The following EDARADD variants were observed in gnomAD, a reference collection of about 807,000 sequenced individuals.
The protein encoded by EDARADD is ectodysplasin-A receptor-associated adapter protein.
EDARADD carries 20 observed loss-of-function variants against 25.6 expected under a neutral mutation model. That is an observed-to-expected ratio of 0.78 (90% CI 0.55 to 1.14). The LOEUF is 1.14. Among genes scored for constraint, EDARADD ranks in the 50% most tolerant of loss-of-function variants. The probability of loss-of-function intolerance (pLI) is 0.00; values close to 1 mark genes in which losing one functional copy is unlikely to be tolerated. For synonymous variants in EDARADD, 86 were observed against 94.4 expected, an observed-to-expected ratio of 0.91 and a Z score of 0.52; for missense variants, 225 against 270.1, an observed-to-expected ratio of 0.83 and a Z score of 1.17.
In EDARADD at chr1:236,484,220, G is replaced by A. The variant is rs1483231408; in HGVS notation, c.*1571G>A. 9 of 985,416 alleles carry A rather than the reference G, an allele frequency of 9.1e-6. No homozygotes were observed. In the African/African-American group the frequency reaches 9.5e-5, roughly 10 times the overall value. The allele number at this position is 985,416 out of a possible 1,614,324, so 61.0% of individuals were successfully genotyped here. On this transcript the variant is annotated 3_prime_UTR_variant, in exon 6 of 6. Coordinates refer to ENST00000334232, the MANE Select transcript of EDARADD (RefSeq NM_145861.4). This position sits in a 1 kb window ranked among gnomAD's most constrained non-coding sequence, Gnocchi z 4.1. The stretch of plus-strand genomic sequence containing the variant: ...TGAACCAGATTCGCTCTGTGACTGA[G>A]TCCCTTCAGGCGTGCAAGCTGGCCC...
rs1309549108 is a variant in EDARADD at position 236,483,207 on chromosome 1, C to A, written c.*558C>A. The A allele has an allele frequency of 3.2e-6, 5 of 1,581,712 alleles. No homozygotes were observed. The highest frequency in any genetic ancestry group is 4.3e-6 in the Non-Finnish European group (5 of 1,152,802). ...CCATGCCAGGGAGCTCTTTGACTCT[C>A]GTGGGAATCCCACTGTTGAGGTTGA... On this transcript the variant is annotated 3_prime_UTR_variant, in exon 6 of 6. Coordinates refer to ENST00000334232, the MANE Select transcript of EDARADD (RefSeq NM_145861.4).
intron 3 of EDARADD, among the ~76,000 whole-genome samples, chr1:236,383,306 A>G (rs1390032253): frequency 1.3e-5 from 2 of 151,482 alleles, no homozygotes; most frequent in Non-Finnish European, 2.9e-5. Context: ...GAGGCGAGAG[A>G]ATCACTTGAA....
At chr1:236,412,485 A>G (rs1354614018) in intron 2 of EDARADD, among the ~76,000 whole-genome samples, 1 of 151,924 alleles carries the variant, frequency 6.6e-6, no homozygotes, top group Non-Finnish European at 1.5e-5. Flanking sequence ...CCCTTTGCTT[A>G]TCTTTCTTGG....
At chr1:236,384,905 C>T (rs1667334869) in intron 3 of EDARADD, among the ~76,000 whole-genome samples, 1 of 151,834 alleles carries the variant, frequency 6.6e-6, no homozygotes, top group Non-Finnish European at 1.5e-5. Flanking sequence ...TATATTTTAA[C>T]TTACTTGAAA....
chr1:236,390,501 T>C (rs1435967302), upstream of EDARADD, among the ~76,000 whole-genome samples: 1 of 151,672 alleles, frequency 6.6e-6, no homozygotes, highest in Non-Finnish European at 1.5e-5. Context: ...TGCAGTGAGC[T>C]GAGATCCAGC....
chr1:236,469,671 G>A (rs1245768889), intron 5 of EDARADD, among the ~76,000 whole-genome samples: 1 of 152,014 alleles, frequency 6.6e-6, no homozygotes, highest in Non-Finnish European at 1.5e-5. Context: ...AAAACCAGAA[G>A]GTGCAGTGCG....
intron 4 of EDARADD, among the ~76,000 whole-genome samples, chr1:236,432,516 A>G (rs895949851): frequency 6.6e-6 from 1 of 152,218 alleles, no homozygotes; most frequent in Non-Finnish European, 1.5e-5. Flanking sequence ...GTTAGAAGTT[A>G]TGAAAATAAT....
At chr1:236,404,821 G>A (rs947623544) in intron 1 of EDARADD, among the ~76,000 whole-genome samples, 13 of 151,408 alleles carry the variant, frequency 8.6e-5, no homozygotes, top group African/African-American at 2.2e-4. Flanking sequence ...TGTCTGGCGC[G>A]GTGGCTCACA....
chr1:236,405,830 C>CTTCCT (rs1667713133), intron 1 of EDARADD, among the ~76,000 whole-genome samples: 42 of 29,456 alleles, frequency 1.4e-3, no homozygotes, highest in Admixed American at 7.9e-3. Context: ...CCTTTCCTTC[C>CTTCCT]TTCCTTCCTT....
intron 3 of EDARADD, among the ~76,000 whole-genome samples, chr1:236,363,135 T>C (rs1199458096): frequency 1.1e-4 from 16 of 148,272 alleles, no homozygotes; most frequent in South Asian, 2.2e-4. Flanking sequence ...CCCAAAGTGC[T>C]GGGATTACAG....
intron 4 of EDARADD, among the ~76,000 whole-genome samples, chr1:236,463,143 G>A (rs1659081801): frequency 6.6e-6 from 1 of 152,152 alleles, no homozygotes. Flanking sequence ...TATTCACACG[G>A]CATTTCTCTG....
chr1:236,367,476 A>G (rs906169818), intron 3 of EDARADD, among the ~76,000 whole-genome samples: 2 of 151,942 alleles, frequency 1.3e-5, no homozygotes, highest in Non-Finnish European at 2.9e-5. Context: ...TGATCCGCCC[A>G]CCTCAGCCTC....
rs1001730177 is a variant in EDARADD, at chr1:236,398,095, A to G, written c.61+3590A>G. On this transcript the variant is annotated intron_variant, in intron 1 of 5. Transcript: ENST00000334232. The surrounding 1 kb of genome is among the most constrained non-coding windows in gnomAD (Gnocchi z 4.1). ...GCCTTCTGGTAACCTATTCTGCAAA[A>G]GGTTGCCAGGGCCATCTTTTATTTT... 1.3e-5 allele frequency among the ~76,000 whole-genome samples: 2 copies of G among 152,096 alleles called. No homozygotes were observed. Among genetic ancestry groups the G allele is most frequent in the Non-Finnish European group, 2.9e-5 (2 of 68,034 alleles).
intron 3 of EDARADD, among the ~76,000 whole-genome samples, chr1:236,366,801 G>A (rs1025327519): frequency 1.1e-4 from 17 of 149,308 alleles, no homozygotes; most frequent in Non-Finnish European, 2.2e-4. Context: ...GTCTGGCCAG[G>A]CGCGGTGGCT....
intron 4 of EDARADD, among the ~76,000 whole-genome samples, chr1:236,460,256 C>T (rs1425093202): frequency 2.0e-5 from 3 of 150,512 alleles, no homozygotes; most frequent in Non-Finnish European, 4.4e-5. Context: ...ATGATCTCAG[C>T]TTACTACAGC....
At chr1:236,405,874 C>CCTCT (rs1667717888) in intron 1 of EDARADD, among the ~76,000 whole-genome samples, 1 of 30,874 alleles carries the variant, frequency 3.2e-5, no homozygotes, top group African/African-American at 1.2e-4. Context: ...TCCTTCCTTC[C>CCTCT]TTCTTTCTTT....
intron 3 of EDARADD, among the ~76,000 whole-genome samples, chr1:236,379,421 G>C (rs12123748): frequency 0.095 from 14,396 of 151,584 alleles, 1,076 homozygotes; most frequent in East Asian, 0.3. Flanking sequence ...GCCTTCTCAA[G>C]AAAACAGATA....
chr1:236,442,651 C>G (rs1226311603), intron 4 of EDARADD, among the ~76,000 whole-genome samples: 3 of 152,218 alleles, frequency 2.0e-5, no homozygotes, highest in Non-Finnish European at 4.4e-5. Flanking sequence ...AAACACCAGG[C>G]TTGGATAACA....
At chr1:236,454,295 G>T (rs1057439489) in intron 4 of EDARADD, among the ~76,000 whole-genome samples, 1 of 152,116 alleles carries the variant, frequency 6.6e-6, no homozygotes. Flanking sequence ...TGATCTGCCC[G>T]CCTTGGCCTC....
Sources: gnomAD v4.1 joint callset for allele counts (sites outside exome capture counted in the v4.1 genomes callset) on GRCh38, gnomAD v4.1.1 for gene constraint, Gnocchi (gnomAD v3.1) non-coding constraint, MANE v1.5 for transcripts, NCBI Gene and HGNC (gene_info 2026-07-23, HGNC 2026-07-21) for gene names.